Variants in PCNX2 observed in about 807,000 individuals in gnomAD.
PCNX2 encodes pecanex 2, also known as pecanex-like protein 2.
A neutral mutation model predicts 223.8 loss-of-function variants in PCNX2; 168 were observed. That is an observed-to-expected ratio of 0.75 (90% CI 0.66 to 0.85). The LOEUF is 0.85. PCNX2 is among the 40% of genes least tolerant of loss of function. The pLI is 0.00. For missense variants in PCNX2, 2,507 were observed against 2,675.5 expected, an observed-to-expected ratio of 0.94 and a Z score of 1.39; for synonymous variants, 1,006 against 1,052.6, an observed-to-expected ratio of 0.96 and a Z score of 0.86.
intron 1 of PCNX2, among the ~76,000 whole-genome samples, chr1:233,274,809 A>T (rs546188467): frequency 6.6e-6 from 1 of 152,350 alleles, no homozygotes; most frequent in South Asian, 2.1e-4. Flanking sequence ...GTGGTAAGAA[A>T]TGAAAAATCT....
At chr1:233,274,162 C>T (rs1660795016) in intron 1 of PCNX2, among the ~76,000 whole-genome samples, 1 of 152,164 alleles carries the variant, frequency 6.6e-6, no homozygotes. Flanking sequence ...TATTAACATG[C>T]TGCAGCAAAG....
At chr1:233,285,612 T>C (rs919709131) in intron 1 of PCNX2, among the ~76,000 whole-genome samples, 21 of 152,064 alleles carry the variant, frequency 1.4e-4, no homozygotes, top group Non-Finnish European at 2.4e-4. Context: ...GAGGCAGAGG[T>C]TGCAGCGACC....
chr1:233,295,233 G>A lies in PCNX2; in HGVS notation c.153+93C>T. 3 of 1,521,068 alleles carry A rather than the reference G, an allele frequency of 2.0e-6. No homozygotes were observed. The highest frequency in any genetic ancestry group is 2.7e-6 in the Non-Finnish European group (3 of 1,122,516). 94.2% of individuals were successfully genotyped at this position (1,521,068 alleles called of 1,614,324 possible). On this transcript the variant is annotated intron_variant, in intron 1 of 33. Transcript: ENST00000258229. The surrounding 1 kb of genome is among the most constrained non-coding windows in gnomAD (Gnocchi z 4.1). The stretch of plus-strand genomic sequence containing the variant: ...GTCTCTTAAGAATCTCTACGAACCC[G>A]AAAGCCCGTGAGGCTGATGGCACGT...
At chr1:233,208,826 CAAAAAAAAAAAAAA>C (rs71173255) in intron 12 of PCNX2, 137 bp from the exon 13 acceptor site, 11 of 59,626 alleles carry the variant, frequency 1.8e-4, no homozygotes, top group African/African-American at 2.3e-4. Flanking sequence ...AATTCATATA[CAAAAAAAAAAAAAA>C]AAAAAAAAAA....
At chr1:233,029,988 G>A (rs7545624) in intron 25 of PCNX2, among the ~76,000 whole-genome samples, 27,636 of 151,936 alleles carry the variant, frequency 0.18, 2,701 homozygotes, top group African/African-American at 0.26. Context: ...TTTTTCATCA[G>A]TTAAAAAAAA....
At chr1:233,277,028 G>A (rs1056603370) in intron 1 of PCNX2, among the ~76,000 whole-genome samples, 2 of 152,244 alleles carry the variant, frequency 1.3e-5, no homozygotes, top group African/African-American at 4.8e-5. Context: ...AGCAGTGAAG[G>A]TGAACTGGAG....
intron 26 of PCNX2, among the ~76,000 whole-genome samples, chr1:233,021,252 GT>G (rs909902309): frequency 6.6e-6 from 1 of 152,164 alleles, no homozygotes; most frequent in African/African-American, 2.4e-5. Flanking sequence ...GGGGCACCGT[GT>G]TTTTGGGCAT....
intron 8 of PCNX2, among the ~76,000 whole-genome samples, chr1:233,249,234 G>T (rs1659307305): frequency 1.3e-5 from 2 of 152,128 alleles, no homozygotes; most frequent in Non-Finnish European, 2.9e-5. Context: ...GGGGAAAAAT[G>T]ACATATATTT....
At chr1:233,207,367 C>T (rs1022377308) in intron 13 of PCNX2, among the ~76,000 whole-genome samples, 7 of 152,140 alleles carry the variant, frequency 4.6e-5, no homozygotes, top group African/African-American at 7.2e-5. Flanking sequence ...AGCTGGCAAG[C>T]GAGAGATCCA....
chr1:233,187,756 G>A lies in PCNX2; in HGVS notation c.3067-8581C>T, dbSNP rs888826261. ...GGAAGGGAAGCATGGCAGAAAGCAC[G>A]AGCTGGCTGGCTGAGATCGGTTTCC... On this transcript the variant is annotated intron_variant, in intron 15 of 33. Transcript: ENST00000258229. Among the ~76,000 whole-genome samples, 9 of 152,228 alleles carry A rather than the reference G, an allele frequency of 5.9e-5. 1 individual carries two copies. In the East Asian group the frequency reaches 1.2e-3, roughly 20 times the overall value.
chr1:233,090,196 A>G lies in PCNX2; in HGVS notation c.3947-6T>C. 3.1e-6 allele frequency: 5 copies of G among 1,610,342 alleles called. No homozygotes were observed. Among genetic ancestry groups the G allele is most frequent in the Non-Finnish European group, 4.2e-6 (5 of 1,179,162 alleles). The stretch of plus-strand genomic sequence containing the variant: ...AAAGAAAAGCATGGCAGAATCTGAG[A>G]ATGTTGAGTTAAGGCAAAAAAAAAA... On this transcript the variant is annotated splice_polypyrimidine_tract_variant and splice_region_variant and intron_variant, in intron 22 of 33. Transcript: ENST00000258229.
At chr1:233,314,849 T>G in the PCNX2 span, among the ~76,000 whole-genome samples, 1 of 152,218 alleles carries the variant, frequency 6.6e-6, no homozygotes. Context: ...AAACTTTCAC[T>G]CATTGAACCC....
At chr1:233,004,000 T>C (rs1289071953) in intron 28 of PCNX2, among the ~76,000 whole-genome samples, 1 of 151,904 alleles carries the variant, frequency 6.6e-6, no homozygotes, top group African/African-American at 2.4e-5. Context: ...CGGGGCCTGT[T>C]GGAGGGTGAG....
intron 25 of PCNX2, chr1:233,033,105 A>C (rs1211985880): frequency 2.0e-6 from 2 of 985,272 alleles, no homozygotes; most frequent in Non-Finnish European, 2.4e-6. Flanking sequence ...GGCAGAGATG[A>C]ATGTCAAGCT....
chr1:233,182,232 A>G (rs1203391045), intron 15 of PCNX2, among the ~76,000 whole-genome samples: 2 of 152,202 alleles, frequency 1.3e-5, no homozygotes, highest in African/African-American at 2.4e-5. Flanking sequence ...TGCAGCCCCC[A>G]CTTGATGACG....
chr1:233,138,049 C>G (rs150426422), intron 20 of PCNX2, among the ~76,000 whole-genome samples: 1 of 152,238 alleles, frequency 6.6e-6, no homozygotes, highest in East Asian at 1.9e-4. Context: ...TGTTTGAGAA[C>G]AGTTGGTCTA....
At chr1:233,074,593 TC>T (rs1258532777) in intron 23 of PCNX2, among the ~76,000 whole-genome samples, 3 of 17,548 alleles carry the variant, frequency 1.7e-4, no homozygotes, top group Non-Finnish European at 2.7e-4. Context: ...AGACTCCGTC[TC>T]AAAAAAAAAA....
In PCNX2 at chr1:233,021,513, C is replaced by T. The variant is rs113710508; in HGVS notation, c.4605+3633G>A. Among the ~76,000 whole-genome samples the T allele has an allele frequency of 5.9e-3, 900 of 152,232 alleles. 13 individuals are homozygous for T. The highest frequency in any genetic ancestry group is 0.021 in the African/African-American group (863 of 41,542). On this transcript the variant is annotated intron_variant, in intron 26 of 33. Coordinates refer to ENST00000258229, the MANE Select transcript of PCNX2 (RefSeq NM_014801.4). Reference sequence around the variant, plus strand: ...CTTTCTCAAAAAAAGAAAAAAAAGTCCTTGGGTCCCACCCCAGGCCCATGG... The same window carrying T: ...CTTTCTCAAAAAAAGAAAAAAAAGTTCTTGGGTCCCACCCCAGGCCCATGG...
intron 27 of PCNX2, chr1:233,016,712 A>G (rs1670677171): frequency 1.1e-6 from 1 of 928,522 alleles, no homozygotes; most frequent in African/African-American, 1.8e-5. Flanking sequence ...AGGGATCTAT[A>G]TCTTTAAGTG....
Sources: allele counts gnomAD v4.1 joint callset (sites outside exome capture counted in the v4.1 genomes callset), GRCh38; gene constraint gnomAD v4.1.1; non-coding constraint Gnocchi (gnomAD v3.1); transcripts MANE v1.5; gene names NCBI Gene and HGNC (gene_info 2026-07-23, HGNC 2026-07-21).